WDFY3: variants seen among roughly 807,000 people sequenced by gnomAD.
WDFY3 encodes WD repeat and FYVE domain containing 3, also known as WD repeat and FYVE domain-containing protein 3.
Under a neutral mutation model 409.6 loss-of-function variants are expected in WDFY3, and 66 were observed. The observed-to-expected ratio is 0.16, with a 90% CI of 0.13 to 0.20. The LOEUF is 0.20. Ranked by LOEUF, WDFY3 falls within the 10% of genes least tolerant of loss-of-function variation. The probability of loss-of-function intolerance (pLI) is 1.00; values close to 1 mark genes in which losing one functional copy is unlikely to be tolerated. For missense variants in WDFY3, 3,031 were observed against 4,298.1 expected, an observed-to-expected ratio of 0.71 and a Z score of 8.24; for synonymous variants, 1,521 against 1,537.1, an observed-to-expected ratio of 0.99 and a Z score of 0.25.
chr4:84,863,216 T>C (rs1760904884), intron 3 of WDFY3, among the ~76,000 whole-genome samples: 1 of 152,258 alleles, frequency 6.6e-6, no homozygotes, highest in African/African-American at 2.4e-5. Flanking sequence ...GATACTGATT[T>C]CATTTCCTTT....
At chr4:84,919,293 T>C (rs1434718363) in intron 2 of WDFY3, among the ~76,000 whole-genome samples, 1 of 152,180 alleles carries the variant, frequency 6.6e-6, no homozygotes, top group Non-Finnish European at 1.5e-5. Flanking sequence ...AGTAGAATGC[T>C]GAGTAATGAC....
At chr4:84,896,194 T>G (rs4693689) in intron 3 of WDFY3, among the ~76,000 whole-genome samples, 14,941 of 151,934 alleles carry the variant, frequency 0.098, 1,144 homozygotes, top group East Asian at 0.37. Context: ...AGGCAGAGGT[T>G]GCAGTGAGCC....
intron 10 of WDFY3, 103 bp downstream of exon 10, chr4:84,826,712 T>G (rs1373572306): frequency 1.7e-6 from 2 of 1,205,362 alleles, no homozygotes; most frequent in African/African-American, 3.2e-5. Context: ...ACTATATTAC[T>G]TTTATATATA....
At position 84,862,863 on chromosome 4, in the gene WDFY3, G is replaced by A. The variant is rs565010542; in HGVS notation, c.-31-2241C>T. 1.8e-3 allele frequency among the ~76,000 whole-genome samples: 275 copies of A among 152,214 alleles called. 3 individuals carry two copies. Among genetic ancestry groups the A allele is most frequent in the African/African-American group, 6.3e-3 (262 of 41,544 alleles). On this transcript the variant is annotated intron_variant, in intron 3 of 67. Coordinates refer to ENST00000295888, the MANE Select transcript of WDFY3 (RefSeq NM_014991.6). ...AAATTAGCCGGGCGTGGTGGCAGGC[G>A]CCCACTCTCTCCAGCCCCTGGCACC...
chr4:84,759,330 A>G (rs891669333), intron 32 of WDFY3, among the ~76,000 whole-genome samples: 14 of 152,214 alleles, frequency 9.2e-5, no homozygotes, highest in Admixed American at 5.9e-4. Flanking sequence ...GTTTTTTCCA[A>G]TTCTGTGAAG....
In WDFY3 at chr4:84,849,890, C is replaced by A. The variant is rs762460043; in HGVS notation, c.304+12G>T. On this transcript the variant is annotated intron_variant, in intron 5 of 67. Transcript: ENST00000295888. ...CAAACAAATCAGTTTTTGCTGGCTA[C>A]TGTAAAAATACCTGTGGATTTGTTT... 25 of 1,607,552 alleles carry A rather than the reference C, an allele frequency of 1.6e-5. 1 individual carries two copies. In the South Asian group the frequency reaches 2.8e-4, roughly 18 times the overall value.
At chr4:84,735,420 C>T (rs1299154352) in intron 42 of WDFY3, among the ~76,000 whole-genome samples, 4 of 152,122 alleles carry the variant, frequency 2.6e-5, no homozygotes, top group African/African-American at 7.2e-5. Flanking sequence ...CCACATCCAA[C>T]GATCTAGGGG....
chr4:84,839,060 T>C (rs970516776), intron 6 of WDFY3, among the ~76,000 whole-genome samples: 1 of 152,184 alleles, frequency 6.6e-6, no homozygotes, highest in African/African-American at 2.4e-5. Context: ...AGATTATTAC[T>C]AGGTTTAGCT....
intron 2 of WDFY3, among the ~76,000 whole-genome samples, chr4:84,920,965 C>T (rs556169017): frequency 6.6e-6 from 1 of 152,230 alleles, no homozygotes; most frequent in East Asian, 1.9e-4. Context: ...ATTCTACACA[C>T]TGCTACAGAG....
At chr4:84,715,187 A>G in intron 50 of WDFY3, 111 bp downstream of exon 50, 1 of 598,684 alleles carries the variant, frequency 1.7e-6, no homozygotes, top group East Asian at 2.8e-5. Flanking sequence ...TATTTTCTTC[A>G]AAGATGTTGG....
chr4:84,846,993 C>T (rs1337453289), intron 5 of WDFY3, among the ~76,000 whole-genome samples: 1 of 151,928 alleles, frequency 6.6e-6, no homozygotes. Context: ...CCCAAGGTCC[C>T]TACTACTATG....
At chr4:84,926,665 T>TA (rs750392648) in intron 2 of WDFY3, among the ~76,000 whole-genome samples, 4 of 152,166 alleles carry the variant, frequency 2.6e-5, no homozygotes, top group Non-Finnish European at 5.9e-5. Flanking sequence ...GTCTAAAGCC[T>TA]AAAATCTAGT....
At chr4:84,844,091 TAAGTA>T (rs1455134880) in intron 5 of WDFY3, among the ~76,000 whole-genome samples, 1 of 152,188 alleles carries the variant, frequency 6.6e-6, no homozygotes, top group Non-Finnish European at 1.5e-5. Context: ...TTTCATTAAA[TAAGTA>T]AAGAATGCGG....
At chr4:84,677,953 C>A (rs952294834) in intron 66 of WDFY3, among the ~76,000 whole-genome samples, 2 of 127,574 alleles carry the variant, frequency 1.6e-5, no homozygotes, top group African/African-American at 6.0e-5. Flanking sequence ...CAGAACAAGA[C>A]CCTGTCTCAA....
intron 66 of WDFY3, 25 bp downstream of exon 66, chr4:84,678,143 G>C: frequency 6.3e-7 from 1 of 1,583,086 alleles, no homozygotes; most frequent in Non-Finnish European, 8.7e-7. Flanking sequence ...ATGGGAAGCG[G>C]AGCTGGAAAA....
intron 22 of WDFY3, among the ~76,000 whole-genome samples, chr4:84,788,141 TA>T (rs1000410057): frequency 2.0e-5 from 3 of 152,168 alleles, no homozygotes; most frequent in Non-Finnish European, 2.9e-5. Context: ...AAGCGTTTTA[TA>T]GGGGTAAATT....
Position 84,751,515 on chromosome 4 carries a change from T to C in WDFY3, c.5941A>G (p.Lys1981Glu). 1 of 1,614,220 alleles carries C rather than the reference T, an allele frequency of 6.2e-7. No individual in the cohort carries two copies. Among genetic ancestry groups the C allele is most frequent in the Non-Finnish European group, 8.5e-7 (1 of 1,180,038 alleles). ...AAAAGATCAATTAGTGGAGTTTGCT[T>C]GCTGGCAGGAGTGAGACAGAGGTTG... ...IDNLCLTPAS[K>E]QTPLIDLLLE... The change falls in exon 36 of 68, where the codon AAG (lysine) becomes GAG (glutamate). Residue 1981 changes from lysine to glutamate, a missense_variant. This residue lies in a region of WDFY3 where 314 missense variants were observed against 397.4 expected (regional missense o/e 0.79). Transcript: ENST00000295888.
chr4:84,871,252 C>A (rs758067312), intron 3 of WDFY3, among the ~76,000 whole-genome samples: 13 of 151,972 alleles, frequency 8.6e-5, no homozygotes, highest in Non-Finnish European at 1.5e-4. Context: ...GAAGGGAAAA[C>A]ACAGTATCAA....
At chr4:84,921,985 G>C (rs145769401) in intron 2 of WDFY3, among the ~76,000 whole-genome samples, 34 of 151,528 alleles carry the variant, frequency 2.2e-4, no homozygotes, top group African/African-American at 8.0e-4. Flanking sequence ...CAATTTCTCA[G>C]TTCAAGGCAT....
Sources: gnomAD v4.1 joint callset for allele counts (sites outside exome capture counted in the v4.1 genomes callset) on GRCh38, gnomAD v4.1.1 for gene constraint, gnomAD v4.1.1 regional missense constraint, MANE v1.5 for transcripts, NCBI Gene and HGNC (gene_info 2026-07-23, HGNC 2026-07-21) for gene names.